Variants in ATRNL1 observed in about 807,000 individuals in gnomAD.
The protein encoded by ATRNL1 is attractin-like protein 1.
In ATRNL1, 95 loss-of-function variants were observed where a neutral mutation model predicts 182.7. That is an observed-to-expected ratio of 0.52 (90% CI 0.44 to 0.62). ATRNL1 has a LOEUF of 0.62. Among genes scored for constraint, ATRNL1 ranks in the 20% least tolerant of loss-of-function variants. The pLI, the probability that ATRNL1 is intolerant of heterozygous loss-of-function variation, is 0.00. For synonymous variants in ATRNL1, 576 were observed against 568.3 expected (o/e 1.01, Z -0.19); for missense variants, 1,471 against 1,679.5 (o/e 0.88, Z 2.17).
intron 26 of ATRNL1, among the ~76,000 whole-genome samples, chr10:115,573,483 C>A (rs1592874053): frequency 6.6e-6 from 1 of 151,954 alleles, no homozygotes; most frequent in Non-Finnish European, 1.5e-5. Context: ...GGGAGTGTGG[C>A]AGGCCAAAAG....
chr10:115,507,975 T>C (rs1305928177), intron 24 of ATRNL1, among the ~76,000 whole-genome samples: 1 of 152,068 alleles, frequency 6.6e-6, no homozygotes. Flanking sequence ...CTTCGCATTA[T>C]TGCACTTCAG....
chr10:115,456,598 C>T (rs1554968779), intron 21 of ATRNL1, among the ~76,000 whole-genome samples: 2 of 152,042 alleles, frequency 1.3e-5, no homozygotes, highest in African/African-American at 2.4e-5. Context: ...CAAACCTGCA[C>T]ATTCTGTACA....
intron 26 of ATRNL1, among the ~76,000 whole-genome samples, chr10:115,609,856 G>C (rs1857064227): frequency 6.6e-6 from 1 of 152,116 alleles, no homozygotes; most frequent in East Asian, 1.9e-4. Context: ...GTGGAAGGAG[G>C]ATAGATTTGT....
intron 24 of ATRNL1, among the ~76,000 whole-genome samples, chr10:115,479,537 T>C (rs1363965019): frequency 6.6e-6 from 1 of 151,488 alleles, no homozygotes; most frequent in Non-Finnish European, 1.5e-5. Context: ...TTTTATGTTT[T>C]AGGTTGCCAA....
At chr10:115,439,487 C>T (rs1040376814) in intron 21 of ATRNL1, among the ~76,000 whole-genome samples, 3 of 151,844 alleles carry the variant, frequency 2.0e-5, no homozygotes, top group Admixed American at 1.3e-4. Flanking sequence ...ATAAAAATTA[C>T]TAATTTTTCT....
At chr10:115,319,067 G>A (rs1400423604) in intron 18 of ATRNL1, among the ~76,000 whole-genome samples, 4 of 152,054 alleles carry the variant, frequency 2.6e-5, no homozygotes, top group Admixed American at 6.6e-5. Context: ...CTTTAGCTGT[G>A]TCCCAGAGAT....
chr10:115,093,850 T>C lies in ATRNL1; in HGVS notation c.100T>C (p.Ser34Pro). ...PAGGGGGGAS[S>P]WLLDGNSWLL... ...GGGCGGCGGCGGCGGGGGCGCCTCCTCCTGGCTGCTGGACGGGAACAGCTG... is the reference window on the plus strand; with the variant it reads ...GGGCGGCGGCGGCGGGGGCGCCTCCCCCTGGCTGCTGGACGGGAACAGCTG... The change falls in exon 1 of 29, where the codon TCC (serine) becomes CCC (proline). Residue 34 changes from serine (S) to proline (P), a missense_variant. Coordinates refer to ENST00000355044, the MANE Select transcript of ATRNL1 (RefSeq NM_207303.4). The surrounding 1 kb of genome is among the most constrained non-coding windows in gnomAD (Gnocchi z 6.1). The C allele has an allele frequency of 6.4e-7, 1 of 1,550,744 alleles. No homozygotes were observed. The highest frequency in any genetic ancestry group is 8.7e-7 in the Non-Finnish European group (1 of 1,152,502).
intron 15 of ATRNL1, among the ~76,000 whole-genome samples, chr10:115,294,600 G>T (rs1178316890): frequency 6.6e-6 from 1 of 151,922 alleles, no homozygotes; most frequent in Non-Finnish European, 1.5e-5. Flanking sequence ...ACTTATGTTG[G>T]GTTCTATTAG....
At chr10:115,924,869 C>T (rs928827926) in intron 28 of ATRNL1, among the ~76,000 whole-genome samples, 2 of 152,150 alleles carry the variant, frequency 1.3e-5, no homozygotes, top group African/African-American at 2.4e-5. Context: ...TTGATTCTTC[C>T]TATCCATGAA....
chr10:115,871,469 T>TATATATATATATATA lies in ATRNL1; in HGVS notation c.4018+23478_4018+23479insATATATATATATATA, dbSNP rs1951579875. ...TCCTAGAAAGGCCTGGTCAGATTCT[T>TATATATATATATATA]TGTGTGTGTGTATATATATATATAT... On this transcript the variant is annotated intron_variant, in intron 28 of 28. Coordinates refer to ENST00000355044, the MANE Select transcript of ATRNL1 (RefSeq NM_207303.4). Among the ~76,000 whole-genome samples the TATATATATATATATA allele has an allele frequency of 1.4e-4, 20 of 140,316 alleles. 1 individual carries two copies. The highest frequency in any genetic ancestry group is 5.0e-4 in the African/African-American group (19 of 37,852). 92.1% of individuals were successfully genotyped at this position (140,316 alleles called of 152,430 possible).
chr10:115,525,714 G>GT (rs1475038603), intron 25 of ATRNL1, among the ~76,000 whole-genome samples: 1 of 151,894 alleles, frequency 6.6e-6, no homozygotes, highest in Non-Finnish European at 1.5e-5. Flanking sequence ...GCATTTTTCA[G>GT]GCTTCTACGA....
chr10:115,201,714 G>A (rs1344405546), intron 8 of ATRNL1, among the ~76,000 whole-genome samples: 3 of 151,968 alleles, frequency 2.0e-5, no homozygotes, highest in Non-Finnish European at 2.9e-5. Context: ...GGTGATGCGG[G>A]CTCTTTTTTG....
intron 19 of ATRNL1, among the ~76,000 whole-genome samples, chr10:115,377,142 G>T (rs1325090636): frequency 5.9e-5 from 9 of 152,032 alleles, no homozygotes; most frequent in Admixed American, 5.9e-4. Context: ...TGTTGGTATG[G>T]TTTGGCTGTG....
At position 115,566,004 on chromosome 10, in the gene ATRNL1, A is replaced by G. The variant is rs370828461; in HGVS notation, c.3795+16468A>G. On this transcript the variant is annotated intron_variant, in intron 26 of 28. Coordinates refer to ENST00000355044, the MANE Select transcript of ATRNL1 (RefSeq NM_207303.4). Reference sequence around the variant, plus strand: ...TGAAGTAGTGACATTGTGAACTCCAATGACATCTATAATTGGTAAATTATC... The same window carrying G: ...TGAAGTAGTGACATTGTGAACTCCAGTGACATCTATAATTGGTAAATTATC... Among the ~76,000 whole-genome samples, 40 of 152,288 alleles carry G rather than the reference A, an allele frequency of 2.6e-4. 1 individual carries two copies. The South Asian group carries it at 7.9e-3, about 30-fold the overall frequency.
intron 20 of ATRNL1, among the ~76,000 whole-genome samples, chr10:115,419,821 A>C (rs1217929381): frequency 1.3e-5 from 2 of 152,170 alleles, no homozygotes; most frequent in Non-Finnish European, 2.9e-5. Flanking sequence ...CAATAATAGT[A>C]GGGGACTTCA....
At chr10:115,511,567 T>G in intron 24 of ATRNL1, among the ~76,000 whole-genome samples, 1 of 151,990 alleles carries the variant, frequency 6.6e-6, no homozygotes, top group Admixed American at 6.6e-5. Flanking sequence ...CAAGCTGACG[T>G]TTTGCACAAA....
At chr10:115,256,052 A>C (rs1851115464) in intron 10 of ATRNL1, among the ~76,000 whole-genome samples, 1 of 152,196 alleles carries the variant, frequency 6.6e-6, no homozygotes, top group African/African-American at 2.4e-5. Flanking sequence ...TATTTTATTG[A>C]GGATTTTCAC....
At chr10:115,393,946 C>T (rs782181657) in intron 19 of ATRNL1, among the ~76,000 whole-genome samples, 11 of 151,892 alleles carry the variant, frequency 7.2e-5, no homozygotes, top group African/African-American at 1.4e-4. Flanking sequence ...AAAGTTTCGT[C>T]TAGTACTCTA....
At chr10:115,513,144 T>A (rs559097347) in intron 24 of ATRNL1, among the ~76,000 whole-genome samples, 1 of 151,928 alleles carries the variant, frequency 6.6e-6, no homozygotes, top group Non-Finnish European at 1.5e-5. Flanking sequence ...AGCCAAAAGA[T>A]TGGGCACCCC....
Sources: gnomAD v4.1 joint callset for allele counts (sites outside exome capture counted in the v4.1 genomes callset) on GRCh38, gnomAD v4.1.1 for gene constraint, Gnocchi (gnomAD v3.1) non-coding constraint, MANE v1.5 for transcripts, NCBI Gene and HGNC (gene_info 2026-07-23, HGNC 2026-07-21) for gene names.